The following FMN2 variants were observed in gnomAD, a reference collection of about 807,000 sequenced individuals.
FMN2 encodes formin 2.
Under a neutral mutation model 142.3 loss-of-function variants are expected in FMN2, and 51 were observed. That is an observed-to-expected ratio of 0.36 (90% CI 0.29 to 0.45). The LOEUF (loss-of-function observed/expected upper bound fraction) is 0.45, where lower values mean the gene tolerates loss of function less well. FMN2 is among the 20% of genes least tolerant of loss of function. The pLI is 1.00. For synonymous variants in FMN2, 882 were observed against 869.8 expected (o/e 1.01, Z -0.25); for missense variants, 1,936 against 2,122.8 (o/e 0.91, Z 1.73).
intron 8 of FMN2, among the ~76,000 whole-genome samples, chr1:240,303,137 C>T (rs891303960): frequency 6.6e-6 from 1 of 152,094 alleles, no homozygotes; most frequent in Non-Finnish European, 1.5e-5. Context: ...GCTGCGCTCT[C>T]CTGCCTCAGA....
At chr1:240,305,253 T>C (rs1436908827) in intron 8 of FMN2, among the ~76,000 whole-genome samples, 1 of 152,186 alleles carries the variant, frequency 6.6e-6, no homozygotes, top group African/African-American at 2.4e-5. Flanking sequence ...GACAACATAG[T>C]CTGTGTAACT....
intron 6 of FMN2, among the ~76,000 whole-genome samples, chr1:240,217,806 T>TA (rs750790173): frequency 0.041 from 5,828 of 142,778 alleles, 102 homozygotes; most frequent in African/African-American, 0.046. Flanking sequence ...TGGCTAAAAA[T>TA]AAAAAAAAAA....
chr1:240,284,218 CA>C (rs1361441013), intron 7 of FMN2, among the ~76,000 whole-genome samples: 1 of 152,138 alleles, frequency 6.6e-6, no homozygotes, highest in Non-Finnish European at 1.5e-5. Flanking sequence ...ATGTATTTAG[CA>C]CTTTGGCCAT....
chr1:240,414,398 T>C (rs1674511339), intron 15 of FMN2, among the ~76,000 whole-genome samples: 1 of 152,208 alleles, frequency 6.6e-6, no homozygotes, highest in Admixed American at 6.5e-5. Context: ...TGGAGTGCGG[T>C]AGCACAGAGC....
rs35262264 is a variant in FMN2 at position 240,187,102 on chromosome 1, CAAAAAAA to C, written c.1931-1093_1931-1087del. Among the ~76,000 whole-genome samples, 4 of 117,398 alleles carry C rather than the reference CAAAAAAA, an allele frequency of 3.4e-5. No homozygotes were observed. The South Asian group carries it at 8.4e-4, about 25-fold the overall frequency. 77.0% of individuals were successfully genotyped at this position (117,398 alleles called of 152,430 possible). A position where few individuals can be genotyped will look rare whatever the true frequency, so the allele number is the denominator to read the frequency against. On this transcript the variant is annotated intron_variant, in intron 3 of 17. Transcript: ENST00000319653. ...CAACATGGTGAAACCCCGTCTGTAC[CAAAAAAA>C]AAAAAAAAAAATTAGCTGGGTGTGG...
At chr1:240,187,414 C>G (rs1234122492) in intron 3 of FMN2, among the ~76,000 whole-genome samples, 22 of 152,044 alleles carry the variant, frequency 1.4e-4, no homozygotes, top group Admixed American at 1.4e-3. Context: ...TTCACCTTGC[C>G]AACAACCACT....
At chr1:240,332,009 C>T (rs961998470) in intron 11 of FMN2, among the ~76,000 whole-genome samples, 5 of 152,012 alleles carry the variant, frequency 3.3e-5, no homozygotes, top group African/African-American at 1.2e-4. Flanking sequence ...GATGAAGCAT[C>T]GGGAGTCGGA....
At chr1:240,348,974 C>A (rs1246558150) in intron 13 of FMN2, among the ~76,000 whole-genome samples, 1 of 152,164 alleles carries the variant, frequency 6.6e-6, no homozygotes, top group East Asian at 1.9e-4. Context: ...GTGCACAGGG[C>A]AATGACTGAT....
intron 14 of FMN2, among the ~76,000 whole-genome samples, chr1:240,375,938 T>C (rs1673027511): frequency 6.6e-6 from 1 of 152,198 alleles, no homozygotes; most frequent in African/African-American, 2.4e-5. Flanking sequence ...TTGGGGAATT[T>C]TGTCTTTCTT....
chr1:240,271,168 A>G lies in FMN2; in HGVS notation c.4153+13136A>G, dbSNP rs907037732. Among the ~76,000 whole-genome samples, 35 of 95,014 alleles carry G rather than the reference A, an allele frequency of 3.7e-4. No individual in the cohort carries two copies. The Admixed American group carries it at 3.9e-3, about 10-fold the overall frequency. 62.3% of individuals were successfully genotyped at this position (95,014 alleles called of 152,430 possible). On this transcript the variant is annotated intron_variant, in intron 7 of 17. Transcript: ENST00000319653. ...TAGCCTACACATTTGCACTTCTTTT[A>G]TCCTGTTGGGGTTGCCACTGAATCA... is the stretch of plus-strand genomic sequence containing the variant.
intron 6 of FMN2, among the ~76,000 whole-genome samples, chr1:240,243,332 A>G (rs1410684436): frequency 6.6e-6 from 1 of 152,202 alleles, no homozygotes; most frequent in East Asian, 1.9e-4. Flanking sequence ...TTATCTTTCC[A>G]AAGTAAGAAA....
At chr1:240,224,770 G>A (rs1667241634) in intron 6 of FMN2, among the ~76,000 whole-genome samples, 1 of 152,138 alleles carries the variant, frequency 6.6e-6, no homozygotes, top group Admixed American at 6.5e-5. Flanking sequence ...TGCAGCCAAG[G>A]AGATGGGAGC....
intron 7 of FMN2, among the ~76,000 whole-genome samples, chr1:240,279,469 CT>C (rs1669325059): frequency 6.6e-6 from 1 of 152,050 alleles, no homozygotes; most frequent in Non-Finnish European, 1.5e-5. Context: ...GCAGGTGGTA[CT>C]TACTGAACTC....
At chr1:240,294,127 A>T (rs1246273305) in intron 7 of FMN2, among the ~76,000 whole-genome samples, 1 of 152,176 alleles carries the variant, frequency 6.6e-6, no homozygotes, top group Non-Finnish European at 1.5e-5. Flanking sequence ...GTATTAACCT[A>T]TGCCTAAAGC....
intron 14 of FMN2, among the ~76,000 whole-genome samples, chr1:240,377,570 G>A (rs1673088091): frequency 1.3e-5 from 2 of 152,010 alleles, no homozygotes; most frequent in Admixed American, 1.3e-4. Context: ...TTAGACTCTA[G>A]AAGCTGCCCA....
intron 7 of FMN2, among the ~76,000 whole-genome samples, chr1:240,259,297 G>C (rs542029656): frequency 1.8e-4 from 27 of 152,202 alleles, no homozygotes; most frequent in African/African-American, 6.5e-4. Flanking sequence ...TTATGAACAA[G>C]AGTCCGCCTG....
intron 1 of FMN2, among the ~76,000 whole-genome samples, chr1:240,122,927 C>T (rs1662341691): frequency 1.3e-5 from 2 of 152,128 alleles, no homozygotes; most frequent in African/African-American, 2.4e-5. Flanking sequence ...CCCATAACTT[C>T]GCCTGTTGTC....
intron 16 of FMN2, among the ~76,000 whole-genome samples, chr1:240,468,466 C>T (rs561711167): frequency 6.6e-6 from 1 of 152,264 alleles, no homozygotes; most frequent in South Asian, 2.1e-4. Flanking sequence ...CCATCTTCAG[C>T]CCCGCTCTGG....
At chr1:240,195,413 C>T (rs1011705093) in intron 4 of FMN2, among the ~76,000 whole-genome samples, 15 of 152,172 alleles carry the variant, frequency 9.9e-5, no homozygotes, top group African/African-American at 1.4e-4. Flanking sequence ...AATGTTCCTA[C>T]GTGCAAGAAG....
Sources: allele counts gnomAD v4.1 joint callset (sites outside exome capture counted in the v4.1 genomes callset), GRCh38; gene constraint gnomAD v4.1.1; transcripts MANE v1.5; gene names NCBI Gene and HGNC (gene_info 2026-07-23, HGNC 2026-07-21).